The following FBXO15 variants were observed in gnomAD, a reference collection of about 807,000 sequenced individuals.
The protein encoded by FBXO15 is F-box only protein 15.
In FBXO15, 30 loss-of-function variants were observed where a neutral mutation model predicts 49.5. That is an observed-to-expected ratio of 0.61 (90% CI 0.45 to 0.82). The LOEUF is 0.82. FBXO15 is among the 40% of genes least tolerant of loss of function. FBXO15 has a pLI of 0.00. For missense variants in FBXO15, 591 were observed against 631.5 expected (o/e 0.94, Z 0.69); for synonymous variants, 250 against 232.7 (o/e 1.07, Z -0.68).
chr18:74,113,242 A>G (rs1160731163), intron 8 of FBXO15, among the ~76,000 whole-genome samples: 1 of 152,240 alleles, frequency 6.6e-6, no homozygotes, highest in Non-Finnish European at 1.5e-5. Flanking sequence ...ATTCTAAAAA[A>G]GGAAAAAGTA....
chr18:74,141,745 C>T (rs9953369), intron 1 of FBXO15, among the ~76,000 whole-genome samples: 6,507 of 152,240 alleles, frequency 0.043, 470 homozygotes, highest in African/African-American at 0.14. Flanking sequence ...GAAAAAGGAG[C>T]CCTTGCCCTA....
At chr18:74,123,069 G>C (rs1276227970) in intron 8 of FBXO15, 1 of 253,210 alleles carries the variant, frequency 3.9e-6, no homozygotes, top group Non-Finnish European at 7.5e-6. Flanking sequence ...AAGAAGTCTG[G>C]GGAAAGCAGA....
chr18:74,126,169 T>C lies in FBXO15; in HGVS notation c.786-68A>G, dbSNP rs957428389. Reference sequence around the variant, plus strand: ...TTCCTGTCCATAGTGTTGTCAATTCTCTTTAGTGTATCACAAATGTGTTTG... The same window carrying C: ...TTCCTGTCCATAGTGTTGTCAATTCCCTTTAGTGTATCACAAATGTGTTTG... On this transcript the variant is annotated intron_variant, in intron 5 of 9. Transcript: ENST00000419743. 5.1e-6 allele frequency: 8 copies of C among 1,584,140 alleles called. No individual in the cohort carries two copies. The African/African-American group carries it at 1.1e-4, about 21-fold the overall frequency.
At chr18:74,081,263 A>G (rs1394283517) in intron 9 of FBXO15, among the ~76,000 whole-genome samples, 1 of 152,196 alleles carries the variant, frequency 6.6e-6, no homozygotes, top group Non-Finnish European at 1.5e-5. Context: ...GTCACAGGAG[A>G]TTGATCCCAC....
chr18:74,121,746 G>A (rs568990135), intron 8 of FBXO15, among the ~76,000 whole-genome samples: 3 of 152,258 alleles, frequency 2.0e-5, no homozygotes, highest in Non-Finnish European at 4.4e-5. Context: ...ATATCCAAGA[G>A]TCCAAAGTGA....
intron 2 of FBXO15, among the ~76,000 whole-genome samples, chr18:74,136,407 T>C (rs954988744): frequency 7.2e-5 from 11 of 152,168 alleles, no homozygotes; most frequent in African/African-American, 2.7e-4. Flanking sequence ...CTAAACTAGG[T>C]ATGTTTCTTT....
rs1031130429 is a variant in FBXO15, at chr18:74,147,791, C to T, written c.-6G>A. ...CGACCGCGTCCAGTCGCCATAGAGA[C>T]AAGGAGTTCACCACAGGACCGCGCC... On this transcript the variant is annotated 5_prime_UTR_variant, in exon 1 of 10. Coordinates refer to ENST00000419743, the MANE Select transcript of FBXO15 (RefSeq NM_001142958.2). The T allele has an allele frequency of 6.5e-7, 1 of 1,528,572 alleles. No homozygotes were observed. The highest frequency in any genetic ancestry group is 2.5e-5 in the East Asian group (1 of 39,674). 94.7% of individuals were successfully genotyped at this position (1,528,572 alleles called of 1,614,324 possible). A position where few individuals can be genotyped will look rare whatever the true frequency, so the allele number is the denominator to read the frequency against.
Position 74,126,035 on chromosome 18 carries a change from G to A in FBXO15, c.852C>T (p.Gly284=), listed in dbSNP as rs769353015. ...AGAAGATCCGAATGAGTCTGTCACA[G>A]CCAATCATGGTAGATATGGTCAAAT... ...LSHLTISTMI[G]CDRLIRIFCL... The change falls in exon 6 of 10, where the codon GGC becomes GGT. Residue 284 remains glycine, a synonymous_variant. Transcript: ENST00000419743. 1.2e-6 allele frequency: 2 copies of A among 1,614,090 alleles called. No homozygotes were observed. The highest frequency in any genetic ancestry group is 1.7e-6 in the Non-Finnish European group (2 of 1,179,972).
At chr18:74,079,488 C>G (rs947490329) in intron 9 of FBXO15, among the ~76,000 whole-genome samples, 3 of 151,964 alleles carry the variant, frequency 2.0e-5, no homozygotes, top group African/African-American at 7.3e-5. Context: ...GGTATGTAAG[C>G]CACTGAAATA....
intron 1 of FBXO15, among the ~76,000 whole-genome samples, chr18:74,143,071 C>A (rs1979184024): frequency 6.6e-6 from 1 of 152,120 alleles, no homozygotes; most frequent in African/African-American, 2.4e-5. Flanking sequence ...AACCCTTAAG[C>A]CTATGGGAGT....
chr18:74,100,422 A>C (rs1298033507), intron 8 of FBXO15, among the ~76,000 whole-genome samples: 1 of 152,196 alleles, frequency 6.6e-6, no homozygotes, highest in Admixed American at 6.5e-5. Context: ...AGTGGTGCTA[A>C]GAGGAAAGTT....
At chr18:74,078,070 AG>A (rs1481200920) in intron 9 of FBXO15, among the ~76,000 whole-genome samples, 3 of 152,028 alleles carry the variant, frequency 2.0e-5, no homozygotes, top group African/African-American at 7.2e-5. Context: ...GTGGGGCACA[AG>A]GGCTCCTTGG....
At chr18:74,139,570 C>T (rs1319155376) in intron 2 of FBXO15, among the ~76,000 whole-genome samples, 1 of 152,204 alleles carries the variant, frequency 6.6e-6, no homozygotes, top group Non-Finnish European at 1.5e-5. Context: ...TGAAATCAGG[C>T]AACTTATATC....
intron 8 of FBXO15, among the ~76,000 whole-genome samples, chr18:74,120,398 A>G (rs1914423148): frequency 6.6e-6 from 1 of 152,248 alleles, no homozygotes; most frequent in South Asian, 2.1e-4. Context: ...TGGAACATAT[A>G]CCAAAATAGA....
At chr18:74,137,393 G>C (rs530219446) in intron 2 of FBXO15, among the ~76,000 whole-genome samples, 63 of 151,996 alleles carry the variant, frequency 4.1e-4, no homozygotes, top group African/African-American at 1.4e-3. Flanking sequence ...CAGTACCATT[G>C]AACAAAAAAA....
At chr18:74,080,295 G>A (rs764474864) in intron 9 of FBXO15, among the ~76,000 whole-genome samples, 2 of 152,100 alleles carry the variant, frequency 1.3e-5, no homozygotes, top group Non-Finnish European at 2.9e-5. Context: ...TTCTGAGGAC[G>A]GCTTAGTCTT....
At chr18:74,098,474 G>C (rs1273253807) in intron 8 of FBXO15, 1 of 152,146 alleles carries the variant, frequency 6.6e-6, no homozygotes, top group Non-Finnish European at 1.5e-5. Flanking sequence ...AAAATGCTCA[G>C]GAAAGTCTCA....
chr18:74,137,293 T>A (rs1978781153), intron 2 of FBXO15, among the ~76,000 whole-genome samples: 1 of 152,238 alleles, frequency 6.6e-6, no homozygotes, highest in South Asian at 2.1e-4. Flanking sequence ...GAAAACATAT[T>A]TTTGTGACCA....
intron 8 of FBXO15, among the ~76,000 whole-genome samples, chr18:74,122,125 T>C (rs564171041): frequency 1.1e-4 from 16 of 152,296 alleles, no homozygotes; most frequent in Admixed American, 1.0e-3. Context: ...CCTGAGGACT[T>C]TCCAGACCTC....
Sources: gnomAD v4.1 joint callset for allele counts (sites outside exome capture counted in the v4.1 genomes callset) on GRCh38, gnomAD v4.1.1 for gene constraint, MANE v1.5 for transcripts, NCBI Gene and HGNC (gene_info 2026-07-23, HGNC 2026-07-21) for gene names.